CFAP54: variants seen among roughly 807,000 people sequenced by gnomAD.
CFAP54 encodes cilia- and flagella-associated protein 54.
CFAP54 carries 290 observed loss-of-function variants against 370.4 expected under a neutral mutation model. The observed-to-expected ratio is 0.78, with a 90% CI of 0.71 to 0.86. The LOEUF is 0.86. Ranked by LOEUF, CFAP54 falls within the 40% of genes least tolerant of loss-of-function variation. The probability of loss-of-function intolerance (pLI) is 0.00; values close to 1 mark genes in which losing one functional copy is unlikely to be tolerated. For missense variants in CFAP54, 3,399 were observed against 3,528.7 expected (o/e 0.96, Z 0.93); for synonymous variants, 1,206 against 1,236.5 (o/e 0.98, Z 0.52).
chr12:96,615,018 G>T (rs529245631), intron 26 of CFAP54, among the ~76,000 whole-genome samples: 5 of 152,170 alleles, frequency 3.3e-5, no homozygotes, highest in East Asian at 1.9e-4. Context: ...CTACTTTAAA[G>T]TTCATATGGA....
chr12:96,653,978 T>C (rs1243711331), intron 36 of CFAP54, among the ~76,000 whole-genome samples: 3 of 152,162 alleles, frequency 2.0e-5, no homozygotes, highest in Non-Finnish European at 4.4e-5. Context: ...CAATTTTTGT[T>C]AATAAGTTTG....
chr12:96,564,928 C>T (rs1175440091), intron 19 of CFAP54, 163 bp downstream of exon 19: 2 of 374,982 alleles, frequency 5.3e-6, no homozygotes, highest in Non-Finnish European at 9.4e-6. Flanking sequence ...TAATTCGTAC[C>T]TCCAGTTCTG....
chr12:96,852,107 A>C (rs1959562211), intron 66 of CFAP54, among the ~76,000 whole-genome samples: 2 of 152,266 alleles, frequency 1.3e-5, no homozygotes, highest in East Asian at 3.9e-4. Context: ...TCTCATTTAT[A>C]GTAGTACCAG....
At chr12:96,862,206 A>G (rs759846402) in intron 67 of CFAP54, among the ~76,000 whole-genome samples, 7 of 152,204 alleles carry the variant, frequency 4.6e-5, no homozygotes, top group Non-Finnish European at 8.8e-5. Context: ...TATGTAGAGG[A>G]AACAAGCCTT....
chr12:96,742,945 T>C (rs986467635), intron 52 of CFAP54, among the ~76,000 whole-genome samples: 1 of 152,214 alleles, frequency 6.6e-6, no homozygotes, highest in Non-Finnish European at 1.5e-5. Context: ...TGCCAAGCCT[T>C]TCTTTGCCAA....
At chr12:96,828,829 T>A (rs951832426) in intron 65 of CFAP54, among the ~76,000 whole-genome samples, 185 bp from the exon 66 acceptor site, 1 of 152,180 alleles carries the variant, frequency 6.6e-6, no homozygotes, top group Non-Finnish European at 1.5e-5. Context: ...TTTGTACAAT[T>A]AGATACAATT....
chr12:96,664,765 CTA>C (rs1209615152), intron 39 of CFAP54, among the ~76,000 whole-genome samples: 36,889 of 73,358 alleles, frequency 0.5, 7,972 homozygotes, highest in Middle Eastern at 0.54. Flanking sequence ...CTATATATAT[CTA>C]TATCTATATC....
intron 19 of CFAP54, 134 bp from the exon 20 acceptor site, chr12:96,576,451 A>G (rs1955976847): frequency 1.6e-6 from 1 of 633,002 alleles, no homozygotes; most frequent in South Asian, 2.8e-5. Flanking sequence ...ATATATATGT[A>G]TATATTTGAG....
chr12:96,669,414 G>A (rs1957119542), intron 39 of CFAP54, among the ~76,000 whole-genome samples: 2 of 152,212 alleles, frequency 1.3e-5, no homozygotes, highest in Admixed American at 6.5e-5. Context: ...GAAACAGATT[G>A]AAAGGAGACC....
At chr12:96,570,184 G>T (rs1246898543) in intron 19 of CFAP54, among the ~76,000 whole-genome samples, 1 of 151,980 alleles carries the variant, frequency 6.6e-6, no homozygotes, top group African/African-American at 2.4e-5. Context: ...ATGTTGCCCA[G>T]CATGGTCTCG....
intron 43 of CFAP54, among the ~76,000 whole-genome samples, chr12:96,689,652 T>C (rs1439688889): frequency 6.6e-6 from 1 of 152,156 alleles, no homozygotes; most frequent in Non-Finnish European, 1.5e-5. Flanking sequence ...TTATATGATA[T>C]AAAATCTATC....
chr12:96,749,045 A>G (rs10860085), intron 55 of CFAP54, among the ~76,000 whole-genome samples: 55,010 of 152,136 alleles, frequency 0.36, 10,820 homozygotes, highest in East Asian at 0.58. Flanking sequence ...CCTCATCTCA[A>G]AAATGGGAGT....
chr12:96,576,882 C>T, intron 20 of CFAP54, 121 bp downstream of exon 20: 4 of 780,542 alleles, frequency 5.1e-6, no homozygotes, highest in Non-Finnish European at 5.9e-6. Context: ...GCACTGAACA[C>T]TGGATTAATA....
At chr12:96,721,334 T>A (rs1281656689) in intron 50 of CFAP54, among the ~76,000 whole-genome samples, 1 of 152,232 alleles carries the variant, frequency 6.6e-6, no homozygotes. Flanking sequence ...CAATTGTTAG[T>A]GTCAGCTCTT....
chr12:96,601,795 T>A (rs1956245468), intron 26 of CFAP54, among the ~76,000 whole-genome samples: 1 of 152,246 alleles, frequency 6.6e-6, no homozygotes, highest in East Asian at 1.9e-4. Context: ...GTGGGATTGG[T>A]GGTGATATCC....
At chr12:96,663,345 TA>T (rs1957018062) in intron 38 of CFAP54, among the ~76,000 whole-genome samples, 1 of 152,220 alleles carries the variant, frequency 6.6e-6, no homozygotes, top group African/African-American at 2.4e-5. Context: ...TTTGTCTTTT[TA>T]AAACTTTTCT....
In CFAP54 at chr12:96,513,021, A is replaced by G; in HGVS notation, c.775A>G (p.Met259Val). 6.6e-7 allele frequency: 1 copy of G among 1,520,396 alleles called. No homozygotes were observed. Among genetic ancestry groups the G allele is most frequent in the Non-Finnish European group, 8.8e-7 (1 of 1,138,754 alleles). The allele number at this position is 1,520,396 out of a possible 1,614,324, so 94.2% of individuals were successfully genotyped here. ...IYIYTICRKL[M>V]VIGQSSKALE... is the part of the protein sequence containing the mutation. ...TATTTACACCATTTGCAGAAAACTGATGGTCATAGGTCAGTCTTCCAAGGT... is the reference window on the plus strand; with the variant it reads ...TATTTACACCATTTGCAGAAAACTGGTGGTCATAGGTCAGTCTTCCAAGGT... The change falls in exon 5 of 68, where the codon ATG becomes GTG. Residue 259 changes from methionine (M) to valine (V), a missense_variant. Coordinates refer to ENST00000524981, the MANE Select transcript of CFAP54 (RefSeq NM_001306084.2).
At chr12:96,783,013 C>T (rs1256800613) in intron 60 of CFAP54, among the ~76,000 whole-genome samples, 1 of 152,066 alleles carries the variant, frequency 6.6e-6, no homozygotes, top group Admixed American at 6.6e-5. Context: ...ATAACAGCCA[C>T]CTGCATTAGC....
In CFAP54 at chr12:96,626,881, G is replaced by C; in HGVS notation, c.4045G>C (p.Glu1349Gln). 1 of 1,432,232 alleles carries C rather than the reference G, an allele frequency of 7.0e-7. No homozygotes were observed. The highest frequency in any genetic ancestry group is 9.2e-7 in the Non-Finnish European group (1 of 1,085,334). 88.7% of individuals were successfully genotyped at this position (1,432,232 alleles called of 1,614,324 possible). A position where few individuals can be genotyped will look rare whatever the true frequency, so the allele number is the denominator to read the frequency against. The change falls in exon 30 of 68, where the codon GAG becomes CAG. Residue 1349 changes from glutamate (E) to glutamine (Q), a missense_variant. By Grantham distance (29) the Glu-to-Gln change is conservative. Coordinates refer to ENST00000524981, the MANE Select transcript of CFAP54 (RefSeq NM_001306084.2). ...FTQVMLKCMN[E>Q]EKFHLMVEVT... ...ACAAGTTATGCTAAAATGCATGAAT[G>C]AGGAAAAATTTCATCTTATGGTAGA...
Sources: gnomAD v4.1 joint callset for allele counts (sites outside exome capture counted in the v4.1 genomes callset) on GRCh38, gnomAD v4.1.1 for gene constraint, MANE v1.5 for transcripts, NCBI Gene and HGNC (gene_info 2026-07-23, HGNC 2026-07-21) for gene names.